Variants in CALM2 observed in about 807,000 individuals in gnomAD.
The protein encoded by CALM2 is calmodulin 2, also known as calmodulin-2.
CALM2 carries 2 observed loss-of-function variants against 19.8 expected under a neutral mutation model. The observed-to-expected ratio is 0.10, with a 90% confidence interval of 0.04 to 0.32. The LOEUF is 0.32. Among genes scored for constraint, CALM2 ranks in the 10% least tolerant of loss-of-function variants. The pLI is 1.00. For synonymous variants in CALM2, 51 were observed against 52.1 expected, an observed-to-expected ratio of 0.98 and a Z score of 0.09; for missense variants, 38 against 178.7, an observed-to-expected ratio of 0.21 and a Z score of 4.49.
At chr2:47,176,803 G>A (rs528921334), upstream of CALM2, 4 of 985,436 alleles carry the variant, frequency 4.1e-6, no homozygotes, top group African/African-American at 1.7e-5. Context: ...GCGGCGATGC[G>A]TCCCCCGTTG....
chr2:47,172,627 G>A (rs768232526), intron 1 of CALM2: 23 of 390,034 alleles, frequency 5.9e-5, no homozygotes, highest in Non-Finnish European at 9.6e-5. Flanking sequence ...TGTTTAAGCT[G>A]AGAAAATTTA....
Position 47,175,097 on chromosome 2 carries a change from T to TTTTTTTC in CALM2, c.3+1343_3+1344insGAAAAAA, listed in dbSNP as rs751897252. On this transcript the variant is annotated intron_variant, in intron 1 of 5. Coordinates refer to ENST00000272298, the MANE Select transcript of CALM2 (RefSeq NM_001743.6). ...TCATTAGGTGTTTTTTTTTTTTTTTTTCAGGAAAGAACATGATCTCCCAGT... is the reference window on the plus strand; with the variant it reads ...TCATTAGGTGTTTTTTTTTTTTTTTTTTTTTTCTCAGGAAAGAACATGATCTCCCAGT... Among the ~76,000 whole-genome samples the TTTTTTTC allele has an allele frequency of 7.9e-5, 10 of 126,654 alleles. 1 individual carries two copies. The highest frequency in any genetic ancestry group is 3.5e-4 in the African/African-American group (9 of 25,514). The allele number at this position is 126,654 out of a possible 152,430, so 83.1% of individuals were successfully genotyped here.
At chr2:47,167,443 C>G (rs889742583) in intron 2 of CALM2, 2 of 154,378 alleles carry the variant, frequency 1.3e-5, no homozygotes, top group African/African-American at 4.8e-5. Flanking sequence ...CCTGTAATCC[C>G]AACACTTTGG....
intron 2 of CALM2, among the ~76,000 whole-genome samples, chr2:47,168,754 G>A (rs1010394835): frequency 1.4e-5 from 2 of 147,958 alleles, no homozygotes; most frequent in Non-Finnish European, 3.0e-5. Flanking sequence ...TCACTGAAGA[G>A]GGATCCTCTT....
chr2:47,166,611 G>T (rs999430265), intron 2 of CALM2, among the ~76,000 whole-genome samples: 3 of 152,036 alleles, frequency 2.0e-5, no homozygotes, highest in Non-Finnish European at 4.4e-5. Context: ...ATTTTTACTT[G>T]TATTTTTATA....
chr2:47,176,288 C>T (rs1666865072), intron 1 of CALM2, 153 bp downstream of exon 1: 1 of 877,726 alleles, frequency 1.1e-6, no homozygotes, highest in East Asian at 2.7e-5. Context: ...TGCGACACAA[C>T]CGTCGCCGGC....
At chr2:47,170,435 C>G (rs959079249) in intron 2 of CALM2, among the ~76,000 whole-genome samples, 1 of 152,102 alleles carries the variant, frequency 6.6e-6, no homozygotes, top group African/African-American at 2.4e-5. Context: ...CTGTTTTATA[C>G]TAAGGTAGTC....
At position 47,160,945 on chromosome 2, in the gene CALM2, G is replaced by C; in HGVS notation, c.422-141C>G. On this transcript the variant is annotated intron_variant, in intron 5 of 5. Coordinates refer to ENST00000272298, the MANE Select transcript of CALM2 (RefSeq NM_001743.6). The stretch of plus-strand genomic sequence containing the variant: ...CTCAGAATTACCATTAAGTACAGAG[G>C]GAAGCTAGTTTATTGCCCAGGCTGG... 5 of 546,358 alleles carry C rather than the reference G, an allele frequency of 9.2e-6. No homozygotes were observed. In the South Asian group the frequency reaches 1.5e-4, roughly 16 times the overall value. 33.8% of individuals were successfully genotyped at this position (546,358 alleles called of 1,614,324 possible). A position where few individuals can be genotyped will look rare whatever the true frequency, so the allele number is the denominator to read the frequency against.
rs546510542 is a variant in CALM2, at chr2:47,165,229, CT to C, written c.35-2568del. ...ATATGGCATAGAAACTAAAATGAGA[CT>C]TTGTAACTTGACTACTGGGTTAGAA... is the stretch of plus-strand genomic sequence containing the variant. On this transcript the variant is annotated intron_variant, in intron 2 of 5. Coordinates refer to ENST00000272298, the MANE Select transcript of CALM2 (RefSeq NM_001743.6). 6.6e-5 allele frequency among the ~76,000 whole-genome samples: 10 copies of C among 152,330 alleles called. No individual in the cohort carries two copies. The South Asian group carries it at 2.1e-3, about 32-fold the overall frequency.
upstream of CALM2, chr2:47,176,642 C>G (rs1433022976): frequency 6.7e-7 from 1 of 1,485,100 alleles, no homozygotes; most frequent in Non-Finnish European, 9.0e-7. Flanking sequence ...CTCGGGACCC[C>G]TTTCTTCACA....
At chr2:47,176,412 C>T (rs978182313) in intron 1 of CALM2, 29 bp downstream of exon 1, 1 of 1,612,306 alleles carries the variant, frequency 6.2e-7, no homozygotes, top group Non-Finnish European at 8.5e-7. Context: ...CCCACAGGCC[C>T]AGCGCCGGCA....
intron 1 of CALM2, chr2:47,174,332 G>A (rs1272918241): frequency 6.6e-6 from 1 of 152,040 alleles, no homozygotes; most frequent in Non-Finnish European, 1.5e-5. Flanking sequence ...GCTCACTACA[G>A]TCTCCAACTC....
intron 5 of CALM2, among the ~76,000 whole-genome samples, 171 bp from the exon 6 acceptor site, chr2:47,160,975 T>A (rs1179174694): frequency 6.6e-6 from 1 of 152,102 alleles, no homozygotes; most frequent in Non-Finnish European, 1.5e-5. Flanking sequence ...GGCTGGAACT[T>A]CATTAACCAT....
intron 2 of CALM2, among the ~76,000 whole-genome samples, chr2:47,164,251 AAG>A (rs1553432008): frequency 5.4e-5 from 4 of 74,208 alleles, no homozygotes; most frequent in Non-Finnish European, 1.5e-4. Context: ...AAAAAAAAAA[AAG>A]AAGAAAAAGA....
At chr2:47,161,131 G>T (rs1191212410) in intron 5 of CALM2, among the ~76,000 whole-genome samples, 1 of 152,086 alleles carries the variant, frequency 6.6e-6, no homozygotes, top group Non-Finnish European at 1.5e-5. Context: ...TATGGGCTAG[G>T]TTTAATTTTT....
At chr2:47,168,918 C>G (rs1666579575) in intron 2 of CALM2, among the ~76,000 whole-genome samples, 1 of 152,098 alleles carries the variant, frequency 6.6e-6, no homozygotes, top group Non-Finnish European at 1.5e-5. Context: ...GCTGGGATTA[C>G]AGGTGCACGC....
intron 1 of CALM2, chr2:47,172,641 A>T (rs867758998): frequency 5.6e-6 from 2 of 355,690 alleles, no homozygotes; most frequent in African/African-American, 4.3e-5. Flanking sequence ...AAATTTATGC[A>T]AACTAAATCC....
upstream of CALM2, chr2:47,176,755 C>G (rs974982660): frequency 2.0e-6 from 2 of 985,462 alleles, no homozygotes; most frequent in Non-Finnish European, 2.4e-6. Flanking sequence ...GGAGCGGCCC[C>G]TGAGGGGCGC....
In CALM2 at chr2:47,160,127, A is replaced by G. The variant is rs1687111394; in HGVS notation, c.*649T>C. On this transcript the variant is annotated 3_prime_UTR_variant, in exon 6 of 6. Coordinates refer to ENST00000272298, the MANE Select transcript of CALM2 (RefSeq NM_001743.6). Reference sequence around the variant, plus strand: ...CATATTTTATTTTCAAAATTATTAGACTTCAACAGTTAAATGACTCAGATG... The same window carrying G: ...CATATTTTATTTTCAAAATTATTAGGCTTCAACAGTTAAATGACTCAGATG... 6.6e-6 allele frequency: 1 copy of G among 152,580 alleles called. No individual in the cohort carries two copies. The highest frequency in any genetic ancestry group is 1.5e-5 in the Non-Finnish European group (1 of 68,054). The allele number at this position is 152,580 out of a possible 1,614,324, so 9.5% of individuals were successfully genotyped here. A position where few individuals can be genotyped will look rare whatever the true frequency, so the allele number is the denominator to read the frequency against.
Sources: gnomAD v4.1 joint callset for allele counts (sites outside exome capture counted in the v4.1 genomes callset) on GRCh38, gnomAD v4.1.1 for gene constraint, MANE v1.5 for transcripts, NCBI Gene and HGNC (gene_info 2026-07-23, HGNC 2026-07-21) for gene names.